ABI3BP: variants seen among roughly 807,000 people sequenced by gnomAD.
The protein encoded by ABI3BP is ABI family member 3 binding protein, also known as target of Nesh-SH3.
ABI3BP carries 216 observed loss-of-function variants against 268.6 expected under a neutral mutation model. The observed-to-expected ratio is 0.80, with a 90% CI of 0.72 to 0.90. ABI3BP has a LOEUF of 0.90. ABI3BP is among the 40% of genes least tolerant of loss of function. ABI3BP has a pLI of 0.00. For synonymous variants in ABI3BP, 730 were observed against 730.0 expected, an observed-to-expected ratio of 1.00 and a Z score of 0.00; for missense variants, 2,090 against 2,182.4, an observed-to-expected ratio of 0.96 and a Z score of 0.84.
At chr3:100,927,574 T>A (rs1315765610) in intron 1 of ABI3BP, among the ~76,000 whole-genome samples, 1 of 152,150 alleles carries the variant, frequency 6.6e-6, no homozygotes, top group East Asian at 1.9e-4. Flanking sequence ...GGAACTTTCA[T>A]GGCAGAAGGT....
At chr3:100,832,228 T>C in intron 31 of ABI3BP, 36 bp downstream of exon 31, 2 of 1,516,558 alleles carry the variant, frequency 1.3e-6, no homozygotes, top group Non-Finnish European at 1.8e-6. Context: ...CGTGGTAGAC[T>C]GCTTGGATTC....
chr3:100,821,732 A>G (rs1197653348), intron 38 of ABI3BP, among the ~76,000 whole-genome samples: 2 of 150,240 alleles, frequency 1.3e-5, no homozygotes, highest in African/African-American at 4.9e-5. Flanking sequence ...CCTCCTGAGT[A>G]GCTGGGATTA....
chr3:100,761,781 A>C (rs1229638552), intron 63 of ABI3BP, among the ~76,000 whole-genome samples: 1 of 152,004 alleles, frequency 6.6e-6, no homozygotes, highest in Non-Finnish European at 1.5e-5. Context: ...GTGAAGCTCT[A>C]CTCCACCCAT....
intron 63 of ABI3BP, among the ~76,000 whole-genome samples, chr3:100,755,056 G>C (rs1437110976): frequency 4.6e-5 from 7 of 152,158 alleles, no homozygotes; most frequent in African/African-American, 1.7e-4. Flanking sequence ...GCTACTTCCT[G>C]GGGCCAAGAA....
chr3:100,884,580 C>T (rs1253728038), intron 6 of ABI3BP, among the ~76,000 whole-genome samples: 1 of 151,770 alleles, frequency 6.6e-6, no homozygotes, highest in African/African-American at 2.4e-5. Flanking sequence ...TTTTTCCAGA[C>T]TGGGCCACAT....
chr3:100,863,962 C>T (rs1284294174), intron 12 of ABI3BP, 40 bp downstream of exon 12: 1 of 1,350,656 alleles, frequency 7.4e-7, no homozygotes, highest in African/African-American at 1.4e-5. Context: ...CATACAATAT[C>T]CAAGGTAATA....
At chr3:100,883,653 A>G (rs999265413) in intron 6 of ABI3BP, among the ~76,000 whole-genome samples, 3 of 152,154 alleles carry the variant, frequency 2.0e-5, no homozygotes, top group African/African-American at 4.8e-5. Context: ...AGGGTACTAT[A>G]GCAACATAAA....
chr3:100,787,922 A>T (rs1347272349), intron 56 of ABI3BP, 120 bp from the exon 57 acceptor site: 1 of 599,182 alleles, frequency 1.7e-6, no homozygotes. Flanking sequence ...CTTACCAAAA[A>T]TATTATTCAG....
Position 100,815,986 on chromosome 3 carries a change from C to A in ABI3BP, c.3230-15G>T, listed in dbSNP as rs1371471010. 9 of 1,497,130 alleles carry A rather than the reference C, an allele frequency of 6.0e-6. No homozygotes were observed. In the African/African-American group the frequency reaches 1.3e-4, roughly 21 times the overall value. 92.7% of individuals were successfully genotyped at this position (1,497,130 alleles called of 1,614,324 possible). The stretch of plus-strand genomic sequence containing the variant: ...TGTAACAGAAACTAACCAAAAGCAA[C>A]AACATGAATACAAGAAAGCTTAAAG... On this transcript the variant is annotated splice_polypyrimidine_tract_variant and intron_variant, in intron 43 of 67. Transcript: ENST00000471714.
In ABI3BP at chr3:100,898,853, T is replaced by G. The variant is rs2153478495; in HGVS notation, c.370A>C (p.Thr124Pro). ...SRKPLQLVVG[T>P]LTPSSVFLSW... ...AGGAAGACCGAGCTCGGTGTCAGAG[T>G]GCCAACCACCAGCTGCAGAGGTTTG... is the stretch of plus-strand genomic sequence containing the variant. Residue 124 changes from threonine to proline, a missense_variant, in exon 4 of 68, where the codon ACT becomes CCT. By Grantham distance (38) the Thr-to-Pro change is conservative (BLOSUM62 -1). Transcript: ENST00000471714. 1 of 1,613,284 alleles carries G rather than the reference T, an allele frequency of 6.2e-7. No homozygotes were observed.
chr3:100,762,848 A>G lies in ABI3BP; in HGVS notation c.4850+2993T>C, dbSNP rs143093187. On this transcript the variant is annotated intron_variant, in intron 63 of 67. Transcript: ENST00000471714. ...AAACAGTGTTCATGAAAGCACCTTT[A>G]CATCCATATGTATTATATTTTTCCC... Among the ~76,000 whole-genome samples, 518 of 152,304 alleles carry G rather than the reference A, an allele frequency of 3.4e-3. 5 individuals carry two copies. Among genetic ancestry groups the G allele is most frequent in the Non-Finnish European group, 5.0e-3 (341 of 68,034 alleles).
At chr3:100,861,917 T>C (rs72926246) in intron 14 of ABI3BP, among the ~76,000 whole-genome samples, 1,730 of 152,316 alleles carry the variant, frequency 0.011, 41 homozygotes, top group African/African-American at 0.04. Flanking sequence ...TAAATGTTTA[T>C]TTAATTATTT....
chr3:100,932,539 A>T (rs1188607993), intron 1 of ABI3BP, among the ~76,000 whole-genome samples: 1 of 152,172 alleles, frequency 6.6e-6, no homozygotes, highest in East Asian at 1.9e-4. Context: ...TAGGCAAATC[A>T]TAGGAACAGA....
chr3:100,763,364 C>T (rs2096079844), intron 63 of ABI3BP, among the ~76,000 whole-genome samples: 1 of 151,044 alleles, frequency 6.6e-6, no homozygotes, highest in South Asian at 2.1e-4. Flanking sequence ...TTTGGAGGCT[C>T]AGGCAGGAGA....
At chr3:100,820,346 C>T (rs1483365916) in intron 39 of ABI3BP, 43 bp from the exon 40 acceptor site, 13 of 1,452,128 alleles carry the variant, frequency 9.0e-6, no homozygotes, top group East Asian at 2.5e-5. Flanking sequence ...TCCGTAGCTC[C>T]GAAGCTATGA....
intron 20 of ABI3BP, 42 bp downstream of exon 20, chr3:100,846,330 A>C (rs2098767997): frequency 1.5e-6 from 2 of 1,337,742 alleles, no homozygotes; most frequent in Non-Finnish European, 1.0e-6. Context: ...ACTTGTTTTC[A>C]ACCCCACTTT....
rs2096666743 is a variant in ABI3BP at position 100,775,252 on chromosome 3, T to C, written c.4417A>G (p.Thr1473Ala). Reference sequence around the variant, plus strand: ...GGAACTGTTGGTTGCTTTATATCTGTCTCTATTCTCTCCAAGGGAGTTCCA... The same window carrying C: ...GGAACTGTTGGTTGCTTTATATCTGCCTCTATTCTCTCCAAGGGAGTTCCA... The part of the protein sequence containing the change: ...PTGTPLERIE[T>A]DIKQPTVPAS... Residue 1473 changes from threonine (T) to alanine (A), a missense_variant, in exon 60 of 68, where the codon ACA becomes GCA. By Grantham distance (58) the Thr-to-Ala change is moderately conservative. Coordinates refer to ENST00000471714, the MANE Select transcript of ABI3BP (RefSeq NM_001375547.2). 6.2e-7 allele frequency: 1 copy of C among 1,611,268 alleles called. No homozygotes were observed. Among genetic ancestry groups the C allele is most frequent in the African/African-American group, 1.3e-5 (1 of 74,858 alleles).
chr3:100,821,359 T>C (rs1005201227), intron 38 of ABI3BP, among the ~76,000 whole-genome samples: 1 of 152,104 alleles, frequency 6.6e-6, no homozygotes, highest in Non-Finnish European at 1.5e-5. Context: ...ATGGACTATG[T>C]AGGTATTGCT....
At chr3:100,842,645 T>G (rs2098719907) in intron 20 of ABI3BP, among the ~76,000 whole-genome samples, 1 of 152,160 alleles carries the variant, frequency 6.6e-6, no homozygotes, top group Non-Finnish European at 1.5e-5. Flanking sequence ...AGTCTCAGAT[T>G]TCATAAGATG....
Sources: gnomAD v4.1 joint callset for allele counts (sites outside exome capture counted in the v4.1 genomes callset) on GRCh38, gnomAD v4.1.1 for gene constraint, MANE v1.5 for transcripts, NCBI Gene and HGNC (gene_info 2026-07-23, HGNC 2026-07-21) for gene names.